STK10: variants seen among roughly 807,000 people sequenced by gnomAD.
STK10 encodes the protein serine/threonine-protein kinase 10.
Under a neutral mutation model 113.8 loss-of-function variants are expected in STK10, and 78 were observed. The ratio of observed to expected loss-of-function variants is 0.69; its 90% CI spans 0.57 to 0.83. STK10 has a LOEUF of 0.83. Ranked by LOEUF, STK10 falls within the 40% of genes least tolerant of loss-of-function variation. The pLI is 0.00. For synonymous variants in STK10, 465 were observed against 494.7 expected (o/e 0.94, Z 0.80); for missense variants, 1,109 against 1,280.1 (o/e 0.87, Z 2.04).
intron 7 of STK10, among the ~76,000 whole-genome samples, chr5:172,100,299 T>C (rs912071521): frequency 1.3e-5 from 2 of 152,118 alleles, no homozygotes; most frequent in Non-Finnish European, 2.9e-5. Context: ...TCCCAGTCCT[T>C]CCCCCCAGTA....
At chr5:172,155,657 G>A (rs1770333214) in intron 2 of STK10, among the ~76,000 whole-genome samples, 1 of 151,854 alleles carries the variant, frequency 6.6e-6, no homozygotes, top group South Asian at 2.1e-4. Flanking sequence ...AGTAGAGAAG[G>A]GCACAGTCAG....
intron 4 of STK10, among the ~76,000 whole-genome samples, chr5:172,111,137 C>A (rs1205705668): frequency 6.6e-6 from 1 of 152,158 alleles, no homozygotes; most frequent in East Asian, 1.9e-4. Context: ...TGGCAGGCGG[C>A]TCCCCTGGGC....
intron 1 of STK10, among the ~76,000 whole-genome samples, chr5:172,175,823 C>G (rs1489726486): frequency 6.6e-6 from 1 of 152,162 alleles, no homozygotes; most frequent in Admixed American, 6.5e-5. Flanking sequence ...AGTCCCAGCC[C>G]TGCCAAAAAA....
chr5:172,047,844 C>T (rs1008668389), intron 18 of STK10, among the ~76,000 whole-genome samples: 1 of 151,386 alleles, frequency 6.6e-6, no homozygotes, highest in African/African-American at 2.4e-5. Context: ...CATAACCTTG[C>T]AGTATTGATA....
At chr5:172,064,854 T>C in intron 12 of STK10, 42 bp from the exon 13 acceptor site, 1 of 1,599,634 alleles carries the variant, frequency 6.3e-7, no homozygotes, top group Non-Finnish European at 8.6e-7. Context: ...CAGGGTCCTC[T>C]CCATGCTTCC....
chr5:172,053,994 A>G (rs1217922641), intron 17 of STK10, among the ~76,000 whole-genome samples: 1 of 152,220 alleles, frequency 6.6e-6, no homozygotes, highest in Admixed American at 6.5e-5. Flanking sequence ...GGCAGGCCTC[A>G]ACACCTGGAA....
intron 10 of STK10, among the ~76,000 whole-genome samples, chr5:172,084,402 A>AAATAATAAT (rs60087344): frequency 3.6e-4 from 54 of 149,198 alleles, no homozygotes; most frequent in South Asian, 1.1e-3. Flanking sequence ...TTCTGTCTCA[A>AAATAATAAT]AATAATAATA....
intron 10 of STK10, among the ~76,000 whole-genome samples, chr5:172,089,035 C>T (rs1768630794): frequency 6.6e-6 from 1 of 152,102 alleles, no homozygotes; most frequent in South Asian, 2.1e-4. Context: ...CGGCCACTGC[C>T]CCAGCCTGAG....
intron 3 of STK10, among the ~76,000 whole-genome samples, chr5:172,119,508 G>C (rs145326309): frequency 6.6e-6 from 1 of 152,094 alleles, no homozygotes; most frequent in South Asian, 2.1e-4. Context: ...TTGAGGCCAG[G>C]AGTTCAAGGC....
chr5:172,184,929 A>G (rs1161466598), intron 1 of STK10, among the ~76,000 whole-genome samples: 1 of 152,090 alleles, frequency 6.6e-6, no homozygotes, highest in Admixed American at 6.6e-5. Flanking sequence ...CTGAAGTGCT[A>G]GGATTACAGG....
At chr5:172,055,537 G>A in intron 16 of STK10, 51 bp downstream of exon 16, 2 of 1,357,190 alleles carry the variant, frequency 1.5e-6, no homozygotes, top group Non-Finnish European at 1.9e-6. Flanking sequence ...GCCAAACCTG[G>A]CCCTGCCTAC....
intron 7 of STK10, among the ~76,000 whole-genome samples, chr5:172,102,626 C>T (rs771983147): frequency 4.6e-5 from 7 of 151,986 alleles, no homozygotes; most frequent in African/African-American, 9.7e-5. Flanking sequence ...GGTCGAGTGC[C>T]GACAGGAGGA....
intron 12 of STK10, among the ~76,000 whole-genome samples, chr5:172,075,491 AC>A (rs1408741819): frequency 1.3e-5 from 2 of 152,122 alleles, no homozygotes; most frequent in African/African-American, 4.8e-5. Context: ...ATCCTGGCCA[AC>A]ATGGTGAAAC....
intron 18 of STK10, among the ~76,000 whole-genome samples, chr5:172,051,233 A>G (rs935777675): frequency 4.6e-5 from 7 of 152,166 alleles, no homozygotes; most frequent in African/African-American, 1.4e-4. Context: ...TTCATTATAC[A>G]ATATTTAAAA....
intron 1 of STK10, among the ~76,000 whole-genome samples, chr5:172,164,841 G>T (rs901773464): frequency 6.6e-6 from 1 of 152,350 alleles, no homozygotes; most frequent in East Asian, 1.9e-4. Context: ...CTCTCCCAGC[G>T]GCTGAAGCAA....
At chr5:172,064,171 G>A (rs1768016350) in intron 13 of STK10, among the ~76,000 whole-genome samples, 1 of 152,122 alleles carries the variant, frequency 6.6e-6, no homozygotes, top group Non-Finnish European at 1.5e-5. Flanking sequence ...CAGTGGCTGG[G>A]GGATCATGGA....
chr5:172,094,995 C>T (rs1768814251), intron 8 of STK10, among the ~76,000 whole-genome samples: 1 of 152,178 alleles, frequency 6.6e-6, no homozygotes, highest in Admixed American at 6.5e-5. Flanking sequence ...CTTTCCAGGT[C>T]AGGAGGGGAC....
chr5:172,134,553 G>A (rs1769814775), intron 2 of STK10, among the ~76,000 whole-genome samples: 1 of 151,904 alleles, frequency 6.6e-6, no homozygotes, highest in Non-Finnish European at 1.5e-5. Context: ...AGCAACCAAA[G>A]AAAAAATAGA....
At chr5:172,085,463 C>T (rs1016640247) in intron 10 of STK10, among the ~76,000 whole-genome samples, 6 of 150,752 alleles carry the variant, frequency 4.0e-5, no homozygotes, top group Admixed American at 1.3e-4. Flanking sequence ...CTGAGGCTGG[C>T]GGATCACTTG....
Sources: gnomAD v4.1 joint callset for allele counts (sites outside exome capture counted in the v4.1 genomes callset) on GRCh38, gnomAD v4.1.1 for gene constraint, MANE v1.5 for transcripts, NCBI Gene and HGNC (gene_info 2026-07-23, HGNC 2026-07-21) for gene names.